Variants in PNPLA7 observed in about 807,000 individuals in gnomAD.
The protein encoded by PNPLA7 is patatin like domain 7, lysophospholipase.
Under a neutral mutation model 161.7 loss-of-function variants are expected in PNPLA7, and 153 were observed. The ratio of observed to expected loss-of-function variants is 0.95; its 90% CI spans 0.83 to 1.08. The LOEUF is 1.08. Among genes scored for constraint, PNPLA7 ranks in the 50% least tolerant of loss-of-function variants. PNPLA7 has a pLI of 0.00. For missense variants in PNPLA7, 1,739 were observed against 1,856.6 expected, an observed-to-expected ratio of 0.94 and a Z score of 1.16; for synonymous variants, 809 against 782.1, an observed-to-expected ratio of 1.03 and a Z score of -0.57.
At chr9:137,514,410 T>C (rs184239231) in intron 12 of PNPLA7, among the ~76,000 whole-genome samples, 22 of 90,916 alleles carry the variant, frequency 2.4e-4, no homozygotes, top group South Asian at 1.2e-3. Context: ...GGCGGGTCAC[T>C]CGGATGTTGA....
At chr9:137,461,071 C>T (rs1018318151) in intron 33 of PNPLA7, 244 of 361,588 alleles carry the variant, frequency 6.7e-4, no homozygotes, top group Non-Finnish European at 9.0e-4. Context: ...AGGGCCCTCT[C>T]GGCCTGCGGC....
intron 14 of PNPLA7, among the ~76,000 whole-genome samples, chr9:137,502,147 T>A (rs1333521172): frequency 6.6e-6 from 1 of 151,932 alleles, no homozygotes; most frequent in Non-Finnish European, 1.5e-5. Flanking sequence ...ATCTGGGAGC[T>A]CCCAGAGGTG....
At chr9:137,495,710 T>C (rs1833019447) in intron 18 of PNPLA7, among the ~76,000 whole-genome samples, 1 of 152,224 alleles carries the variant, frequency 6.6e-6, no homozygotes, top group African/African-American at 2.4e-5. Flanking sequence ...CCCAAAGTGC[T>C]GGGATTACAG....
chr9:137,460,314 C>T lies in PNPLA7; in HGVS notation c.*79G>A, dbSNP rs1831111566. 3.5e-6 allele frequency: 5 copies of T among 1,428,882 alleles called. No homozygotes were observed. The highest frequency in any genetic ancestry group is 1.2e-5 in the South Asian group (1 of 80,192). 88.5% of individuals were successfully genotyped at this position (1,428,882 alleles called of 1,614,324 possible). A position where few individuals can be genotyped will look rare whatever the true frequency, so the allele number is the denominator to read the frequency against. On this transcript the variant is annotated 3_prime_UTR_variant, in exon 35 of 35. Coordinates refer to ENST00000406427, the MANE Select transcript of PNPLA7 (RefSeq NM_001098537.3). ...CTTCCAGCAGGGCAGGTACAGAGGC[C>T]CCTAGGACTTGGCAGGAGCCTCAGC...
chr9:137,543,401 C>T lies in PNPLA7; in HGVS notation c.506+31G>A, dbSNP rs370969287. On this transcript the variant is annotated intron_variant, in intron 6 of 34. Coordinates refer to ENST00000406427, the MANE Select transcript of PNPLA7 (RefSeq NM_001098537.3). The surrounding 1 kb of genome is among the most constrained non-coding windows in gnomAD (Gnocchi z 6.9). The stretch of plus-strand genomic sequence containing the variant: ...AGAAGCCCGGGGCTATGGGAGCTGC[C>T]GCAGCCCCCGGGGCTCATCCCCGCT... 9.0e-5 allele frequency: 145 copies of T among 1,613,490 alleles called. 1 individual carries two copies. Among genetic ancestry groups the T allele is most frequent in the South Asian group, 3.0e-4 (27 of 91,036 alleles).
chr9:137,524,411 G>A lies in PNPLA7; in HGVS notation c.748-1554C>T, dbSNP rs1835195624. On this transcript the variant is annotated intron_variant, in intron 8 of 34. Coordinates refer to ENST00000406427, the MANE Select transcript of PNPLA7 (RefSeq NM_001098537.3). This position sits in a 1 kb window ranked among gnomAD's most constrained non-coding sequence, Gnocchi z 4.4. ...TCCTGAGTGCTGGCTGCCTCATGGA[G>A]GCCTTGCAGTGTCTCCTCGTGAAGG... Among the ~76,000 whole-genome samples the A allele has an allele frequency of 6.6e-6, 1 of 151,548 alleles. No individual in the cohort carries two copies. Among genetic ancestry groups the A allele is most frequent in the Non-Finnish European group, 1.5e-5 (1 of 67,838 alleles).
chr9:137,479,711 A>G, intron 23 of PNPLA7: 1 of 985,438 alleles, frequency 1.0e-6, no homozygotes, highest in South Asian at 4.7e-5. Flanking sequence ...GCTGGAGAAC[A>G]CGAACAGGAC....
At chr9:137,507,972 C>T (rs746434157) in intron 12 of PNPLA7, among the ~76,000 whole-genome samples, 5 of 152,052 alleles carry the variant, frequency 3.3e-5, no homozygotes, top group South Asian at 2.1e-4. Context: ...GTGGAGGCAG[C>T]GCTTGAGGCC....
rs550342727 is a variant in PNPLA7, at chr9:137,514,534, C to T, written c.1225+845G>A. On this transcript the variant is annotated intron_variant, in intron 12 of 34. Transcript: ENST00000406427. ...GTGCCCGGGCCCTGTGGCTGGGCTG[C>T]GGGCGGGTCACCCGGATGTTGAGGT... 7.9e-3 allele frequency among the ~76,000 whole-genome samples: 815 copies of T among 103,750 alleles called. 23 individuals carry two copies. Among genetic ancestry groups the T allele is most frequent in the African/African-American group, 0.029 (729 of 25,538 alleles). The allele number at this position is 103,750 out of a possible 152,430, so 68.1% of individuals were successfully genotyped here. A position where few individuals can be genotyped will look rare whatever the true frequency, so the allele number is the denominator to read the frequency against.
chr9:137,509,094 G>C (rs1834064241), intron 12 of PNPLA7: 2 of 154,618 alleles, frequency 1.3e-5, no homozygotes, highest in Admixed American at 6.5e-5. Flanking sequence ...TGGCATGAGT[G>C]AGTTTAGCTG....
At chr9:137,498,295 T>G in intron 16 of PNPLA7, 50 bp from the exon 17 acceptor site, 1 of 1,597,414 alleles carries the variant, frequency 6.3e-7, no homozygotes. Flanking sequence ...AACCCTACCC[T>G]TCGCCCAGGG....
chr9:137,509,383 C>G (rs35605405), intron 12 of PNPLA7: 1 of 172,892 alleles, frequency 5.8e-6, no homozygotes. Flanking sequence ...TGAGTTTAGC[C>G]GGTATGAGTG....
intron 25 of PNPLA7, among the ~76,000 whole-genome samples, chr9:137,474,351 G>A (rs1389339136): frequency 6.6e-6 from 1 of 152,176 alleles, no homozygotes; most frequent in Non-Finnish European, 1.5e-5. Context: ...CGTGGGGAGG[G>A]CACCATGGAA....
intron 1 of PNPLA7, among the ~76,000 whole-genome samples, chr9:137,549,071 CT>C (rs1836701259): frequency 6.6e-6 from 1 of 152,272 alleles, no homozygotes; most frequent in African/African-American, 2.4e-5. Flanking sequence ...TGGTCACAGG[CT>C]CTCCTGCGGT....
In PNPLA7 at chr9:137,520,104, G is replaced by A; in HGVS notation, c.958-61C>T. ...GAACACCCCACACCCACTGACAGGT[G>A]TGGGCTCCTCAAAGGTGTGACAGGT... On this transcript the variant is annotated intron_variant, in intron 10 of 34. Coordinates refer to ENST00000406427, the MANE Select transcript of PNPLA7 (RefSeq NM_001098537.3). This position sits in a 1 kb window ranked among gnomAD's most constrained non-coding sequence, Gnocchi z 5.2. The A allele has an allele frequency of 6.3e-7, 1 of 1,598,890 alleles. No homozygotes were observed. Among genetic ancestry groups the A allele is most frequent in the Non-Finnish European group, 8.5e-7 (1 of 1,174,912 alleles).
chr9:137,488,020 C>G (rs747715897), intron 20 of PNPLA7, among the ~76,000 whole-genome samples: 5 of 152,254 alleles, frequency 3.3e-5, no homozygotes, highest in Non-Finnish European at 7.3e-5. Context: ...CTTCTATAAT[C>G]AGGAGGAAAT....
At chr9:137,475,423 G>A (rs753464562) in intron 25 of PNPLA7, among the ~76,000 whole-genome samples, 16 of 152,178 alleles carry the variant, frequency 1.1e-4, no homozygotes, top group African/African-American at 1.7e-4. Context: ...CTCCCAGGCT[G>A]GAGGGCAGTG....
chr9:137,500,819 G>A lies in PNPLA7; in HGVS notation c.1629C>T (p.Cys543=), dbSNP rs1482225662. 1.9e-6 allele frequency: 3 copies of A among 1,606,622 alleles called. No individual in the cohort carries two copies. Among genetic ancestry groups the A allele is most frequent in the African/African-American group, 1.3e-5 (1 of 75,018 alleles). Residue 543 remains cysteine (C), a synonymous_variant, in exon 16 of 35, where the codon TGC becomes TGT. Transcript: ENST00000406427. This position sits in a 1 kb window ranked among gnomAD's most constrained non-coding sequence, Gnocchi z 5.5. The part of the protein sequence containing the change: ...QRKIGSQEDT[C]LFLTRPGEMV... ...TCTCCCCGGGGCGCGTGAGGAACAA[G>A]CAGGTGTCCTCCTGGCTGCCGATCT...
At chr9:137,495,849 G>A (rs13294269) in intron 18 of PNPLA7, among the ~76,000 whole-genome samples, 1,731 of 152,302 alleles carry the variant, frequency 0.011, 17 homozygotes, top group Non-Finnish European at 0.015. Context: ...GCCTTCATCC[G>A]GTGGATGGAG....
Sources: allele counts gnomAD v4.1 joint callset (sites outside exome capture counted in the v4.1 genomes callset), GRCh38; gene constraint gnomAD v4.1.1; non-coding constraint Gnocchi (gnomAD v3.1); transcripts MANE v1.5; gene names NCBI Gene and HGNC (gene_info 2026-07-23, HGNC 2026-07-21).